Variants in PCDHGA1 observed in about 807,000 individuals in gnomAD.
The protein encoded by PCDHGA1 is protocadherin gamma-A1.
PCDHGA1 carries 32 observed loss-of-function variants against 58.0 expected under a neutral mutation model. The observed-to-expected ratio is 0.55, with a 90% CI of 0.42 to 0.74. PCDHGA1 has a LOEUF of 0.74. PCDHGA1 is among the 30% of genes least tolerant of loss of function. PCDHGA1 has a pLI of 0.00. For synonymous variants in PCDHGA1, 498 were observed against 501.1 expected (o/e 0.99, Z 0.08); for missense variants, 1,205 against 1,182.3 (o/e 1.02, Z -0.28).
intron 1 of PCDHGA1, chr5:141,366,183 C>T (rs1265107316): frequency 6.2e-7 from 1 of 1,613,986 alleles, no homozygotes; most frequent in South Asian, 1.1e-5. Context: ...GGACTCTTTG[C>T]GGTTGGGCTG....
intron 1 of PCDHGA1, chr5:141,393,413 G>C: frequency 6.2e-7 from 1 of 1,614,046 alleles, no homozygotes; most frequent in Non-Finnish European, 8.5e-7. Flanking sequence ...AGCGCGCCCT[G>C]GACAGGGAGG....
At chr5:141,360,252 G>A (rs1194495261) in intron 1 of PCDHGA1, 2 of 1,613,822 alleles carry the variant, frequency 1.2e-6, no homozygotes, top group Non-Finnish European at 1.7e-6. Flanking sequence ...CAATTCCAGA[G>A]GAGCTGGCCA....
chr5:141,442,119 C>T (rs563017984), intron 1 of PCDHGA1: 1 of 166,262 alleles, frequency 6.0e-6, no homozygotes, highest in African/African-American at 2.4e-5. Context: ...CCCCTCGTCG[C>T]CGACAGCCTG....
intron 1 of PCDHGA1, chr5:141,392,908 G>T: frequency 1.2e-6 from 2 of 1,613,852 alleles, no homozygotes; most frequent in African/African-American, 1.3e-5. Context: ...GGACAGATTC[G>T]CTACTCTGTG....
At chr5:141,359,309 G>A (rs936588193) in intron 1 of PCDHGA1, among the ~76,000 whole-genome samples, 1 of 152,076 alleles carries the variant, frequency 6.6e-6, no homozygotes, top group African/African-American at 2.4e-5. Context: ...ATATTCAGGT[G>A]TTGGCATTAG....
rs374191427 is a variant in PCDHGA1 at position 141,419,804 on chromosome 5, G to A, written c.2422-75003G>A. ...GCGCCTGCTAGTCGCTGTAAGAGAT[G>A]GAGGACAGCCACCCCTTTCAGCCAC... On this transcript the variant is annotated intron_variant, in intron 1 of 3. Coordinates refer to ENST00000517417, the MANE Select transcript of PCDHGA1 (RefSeq NM_018912.3). The A allele has an allele frequency of 2.8e-5, 45 of 1,613,946 alleles. No homozygotes were observed. The highest frequency in any genetic ancestry group is 1.6e-4 in the Middle Eastern group (1 of 6,082).
At chr5:141,375,194 G>A (rs763161370) in intron 1 of PCDHGA1, 1 of 1,613,964 alleles carries the variant, frequency 6.2e-7, no homozygotes, top group South Asian at 1.1e-5. Flanking sequence ...CCTTTTTCAA[G>A]TGTTCGATCG....
chr5:141,351,916 T>C (rs372459324), intron 1 of PCDHGA1: 256 of 1,613,264 alleles, frequency 1.6e-4, no homozygotes, highest in African/African-American at 4.5e-4. Flanking sequence ...GCGACCTCAA[T>C]GACAATGCGC....
chr5:141,383,316 T>C (rs1779018146), intron 1 of PCDHGA1: 3 of 1,613,880 alleles, frequency 1.9e-6, no homozygotes, highest in Non-Finnish European at 1.7e-6. Context: ...AAGAAATAAA[T>C]GTAAAAATAA....
At chr5:141,507,178 G>A (rs548016031) in intron 3 of PCDHGA1, 4 of 152,350 alleles carry the variant, frequency 2.6e-5, no homozygotes, top group East Asian at 3.9e-4. Flanking sequence ...CCTCTTCCTC[G>A]AGCTCTGCTT....
intron 1 of PCDHGA1, chr5:141,375,284 TATTATCGATTAGTGACAA>T: frequency 3.1e-6 from 5 of 1,613,832 alleles, no homozygotes; most frequent in Non-Finnish European, 4.2e-6. Context: ...AGTTGGCAAT[TATTATCGATTAGTGACAA>T]ATGCAGCTCT....
chr5:141,489,380 A>T lies in PCDHGA1; in HGVS notation c.2422-5427A>T, dbSNP rs753226956. 1 of 1,613,874 alleles carries T rather than the reference A, an allele frequency of 6.2e-7. No homozygotes were observed. The highest frequency in any genetic ancestry group is 2.2e-5 in the East Asian group (1 of 44,872). On this transcript the variant is annotated intron_variant, in intron 1 of 3. Transcript: ENST00000517417. The surrounding 1 kb of genome is among the most constrained non-coding windows in gnomAD (Gnocchi z 4.5). ...TCTGAGCCGGGGACGCTGGTGGGGA[A>T]TGTTGCTCAGGATCTGGGCTTAAAG... is the stretch of plus-strand genomic sequence containing the variant.
intron 1 of PCDHGA1, chr5:141,370,676 G>A (rs772923764): frequency 1.9e-6 from 3 of 1,613,892 alleles, no homozygotes; most frequent in Non-Finnish European, 2.5e-6. Context: ...ACCGAGAGGA[G>A]ATTTGTGGCA....
intron 1 of PCDHGA1, chr5:141,420,293 A>G: frequency 1.3e-6 from 2 of 1,485,602 alleles, no homozygotes; most frequent in Non-Finnish European, 9.1e-7. Context: ...TTAAAAATGT[A>G]TTTAATCCTT....
At chr5:141,340,886 A>G (rs1324977547) in intron 1 of PCDHGA1, 2 of 1,613,622 alleles carry the variant, frequency 1.2e-6, no homozygotes, top group South Asian at 2.2e-5. Flanking sequence ...AGACGCGCTC[A>G]AGCAGAGCCT....
In PCDHGA1 at chr5:141,489,872, T is replaced by A. The variant is rs2099693206; in HGVS notation, c.2422-4935T>A. 1 of 1,614,090 alleles carries A rather than the reference T, an allele frequency of 6.2e-7. No homozygotes were observed. The highest frequency in any genetic ancestry group is 8.5e-7 in the Non-Finnish European group (1 of 1,180,016). On this transcript the variant is annotated intron_variant, in intron 1 of 3. Coordinates refer to ENST00000517417, the MANE Select transcript of PCDHGA1 (RefSeq NM_018912.3). The surrounding 1 kb of genome is among the most constrained non-coding windows in gnomAD (Gnocchi z 4.5). ...GAAGCCCAGGCAAGACATCAGCTGG[T>A]GCTTACTGCTGTGGATGGGGGGACC...
chr5:141,356,106 A>G, intron 1 of PCDHGA1: 3 of 1,613,884 alleles, frequency 1.9e-6, no homozygotes, highest in Non-Finnish European at 2.5e-6. Context: ...GGGATATAAC[A>G]ATATTGGGGG....
At position 141,487,382 on chromosome 5, in the gene PCDHGA1, T is replaced by A. The variant is rs755316738; in HGVS notation, c.2422-7425T>A. 6.2e-7 allele frequency: 1 copy of A among 1,614,172 alleles called. No individual in the cohort carries two copies. The highest frequency in any genetic ancestry group is 2.2e-5 in the East Asian group (1 of 44,854). On this transcript the variant is annotated intron_variant, in intron 1 of 3. Transcript: ENST00000517417. The surrounding 1 kb of genome is among the most constrained non-coding windows in gnomAD (Gnocchi z 5.0). ...TGGCACCTGTGCCTGTCTCACCAGA[T>A]CTCGAAGGAGGGAGGGGCTTCCCCC...
intron 1 of PCDHGA1, chr5:141,340,938 C>T: frequency 1.9e-6 from 3 of 1,613,784 alleles, no homozygotes; most frequent in Non-Finnish European, 2.5e-6. Flanking sequence ...CCTCTCTCCG[C>T]CACTGTCACG....
Sources: allele counts gnomAD v4.1 joint callset (sites outside exome capture counted in the v4.1 genomes callset), GRCh38; gene constraint gnomAD v4.1.1; non-coding constraint Gnocchi (gnomAD v3.1); transcripts MANE v1.5; gene names NCBI Gene and HGNC (gene_info 2026-07-23, HGNC 2026-07-21).